Variants in UACA observed in about 807,000 individuals in gnomAD.
UACA encodes the protein uveal autoantigen with coiled-coil domains and ankyrin repeats.
A neutral mutation model predicts 160.5 loss-of-function variants in UACA; 112 were observed. The ratio of observed to expected loss-of-function variants is 0.70; its 90% confidence interval spans 0.60 to 0.82. UACA has a LOEUF of 0.82. Among genes scored for constraint, UACA ranks in the 40% least tolerant of loss-of-function variants. UACA has a pLI of 0.00. For missense variants in UACA, 1,574 were observed against 1,614.6 expected, an observed-to-expected ratio of 0.97 and a Z score of 0.43; for synonymous variants, 557 against 568.4, an observed-to-expected ratio of 0.98 and a Z score of 0.29.
chr15:70,690,475 T>C lies in UACA; in HGVS notation c.403A>G (p.Arg135Gly), dbSNP rs746300849. 1.9e-6 allele frequency: 3 copies of C among 1,613,114 alleles called. No homozygotes were observed. The highest frequency in any genetic ancestry group is 1.1e-5 in the South Asian group (1 of 90,910). The change falls in exon 5 of 19, where the codon AGA (arginine) becomes GGA (glycine). Residue 135 changes from arginine to glycine, a missense_variant. Transcript: ENST00000322954. ...CPTEHADLQG[R>G]TALHDAAMAD... The stretch of plus-strand genomic sequence containing the variant: ...TCACCGGCATCGTGAAGTGCAGTTC[T>C]TCCCTGCAGGTCTGCATGCTCAGTG...
chr15:70,711,396 T>C (rs1816254122), intron 1 of UACA, among the ~76,000 whole-genome samples: 1 of 151,562 alleles, frequency 6.6e-6, no homozygotes, highest in Non-Finnish European at 1.5e-5. Context: ...GCACGGTGGC[T>C]CACACCTGTA....
intron 1 of UACA, among the ~76,000 whole-genome samples, chr15:70,726,229 A>C (rs1260051772): frequency 6.6e-6 from 1 of 152,118 alleles, no homozygotes; most frequent in South Asian, 2.1e-4. Context: ...GCACCCCCAA[A>C]TCCAATCAAG....
At chr15:70,743,310 A>G (rs1363777503) in intron 1 of UACA, among the ~76,000 whole-genome samples, 2 of 152,244 alleles carry the variant, frequency 1.3e-5, no homozygotes, top group African/African-American at 2.4e-5. Flanking sequence ...CTAAAGTCAA[A>G]TGATTAGTAA....
In UACA at chr15:70,655,684, C is replaced by T. The variant is rs1209266494; in HGVS notation, c.*1372G>A. 4 of 152,164 alleles carry T rather than the reference C, an allele frequency of 2.6e-5. No individual in the cohort carries two copies. Among genetic ancestry groups the T allele is most frequent in the African/African-American group, 9.7e-5 (4 of 41,428 alleles). 9.4% of individuals were successfully genotyped at this position (152,164 alleles called of 1,614,324 possible). On this transcript the variant is annotated 3_prime_UTR_variant, in exon 19 of 19. Transcript: ENST00000322954. ...GAATTAAAAACAAATCCAATTCTGA[C>T]TTTCAATGTTGTTTCAACACCGAAA...
intron 1 of UACA, among the ~76,000 whole-genome samples, chr15:70,705,154 A>C (rs746976786): frequency 6.6e-6 from 1 of 152,210 alleles, no homozygotes; most frequent in Admixed American, 6.5e-5. Context: ...CAAGGACTCA[A>C]ATATAGAAGT....
At chr15:70,679,151 C>T (rs935972813) in intron 10 of UACA, among the ~76,000 whole-genome samples, 3 of 151,952 alleles carry the variant, frequency 2.0e-5, no homozygotes, top group South Asian at 2.1e-4. Flanking sequence ...GCTTGTAATC[C>T]CAACACTTTG....
intron 1 of UACA, among the ~76,000 whole-genome samples, chr15:70,717,896 C>T (rs1898867149): frequency 6.6e-6 from 1 of 151,946 alleles, no homozygotes; most frequent in African/African-American, 2.4e-5. Flanking sequence ...AAACAGGATT[C>T]CCAGAGAAGA....
In UACA at chr15:70,668,415, G is replaced by T; in HGVS notation, c.2269C>A (p.His757Asn). ...TTAAGATCATCAATAATTGCATCAT[G>T]TGACTTTTTCATGTCTTCACTTACT... ...LKVSEDMKKSHDAIIDDLNRK... is the reference protein window; with the variant it reads ...LKVSEDMKKSNDAIIDDLNRK... The change falls in exon 16 of 19, where the codon CAT becomes AAT. Residue 757 changes from histidine (H) to asparagine (N), a missense_variant. Physicochemically the swap from His to Asn is moderately conservative, Grantham distance 68. Transcript: ENST00000322954. 6.2e-7 allele frequency: 1 copy of T among 1,611,424 alleles called. No homozygotes were observed. Among genetic ancestry groups the T allele is most frequent in the East Asian group, 2.2e-5 (1 of 44,808 alleles).
intron 1 of UACA, chr15:70,753,974 T>C: frequency 2.7e-6 from 1 of 365,368 alleles, no homozygotes; most frequent in Non-Finnish European, 5.4e-6. Context: ...CCTGGCTAAT[T>C]TTTGTATTTT....
chr15:70,668,017 T>C lies in UACA; in HGVS notation c.2667A>G (p.Lys889=), dbSNP rs771493657. 4 of 1,605,028 alleles carry C rather than the reference T, an allele frequency of 2.5e-6. No homozygotes were observed. Among genetic ancestry groups the C allele is most frequent in the Non-Finnish European group, 3.4e-6 (4 of 1,176,926 alleles). ...TNRELLDVKK[K]FEDINQEFVK... The stretch of plus-strand genomic sequence containing the variant: ...CAAATTCCTGATTTATATCTTCAAA[T>C]TTTTTCTTCACATCTAATAATTCTC... The change falls in exon 16 of 19, where the codon AAA becomes AAG. Residue 889 remains lysine, a synonymous_variant. Coordinates refer to ENST00000322954, the MANE Select transcript of UACA (RefSeq NM_018003.4).
intron 1 of UACA, chr15:70,754,129 C>T: frequency 2.2e-6 from 1 of 455,920 alleles, no homozygotes; most frequent in South Asian, 1.5e-5. Flanking sequence ...CTACAATGAA[C>T]ATGTATGACT....
chr15:70,684,932 GTAAA>G (rs1897656942), intron 7 of UACA, among the ~76,000 whole-genome samples: 1 of 151,830 alleles, frequency 6.6e-6, no homozygotes, highest in Non-Finnish European at 1.5e-5. Context: ...TGTCCTACAC[GTAAA>G]TAATCACCAC....
At position 70,668,988 on chromosome 15, in the gene UACA, G is replaced by A; in HGVS notation, c.1696C>T (p.Gln566Ter). ...ACTATCATCTCATTTTGTTTGATTT[G>A]GTTTCTTAATTTCCCCACTTCTGCT... ...ASAEVGKLRN[Q>*]IKQNEMIVEE... is the part of the protein sequence containing the mutation. Residue 566 changes from glutamine to a stop codon, truncating the protein, a stop_gained, in exon 16 of 19, where the codon CAA becomes TAA. Transcript: ENST00000322954. LOFTEE classifies it high-confidence loss of function. 5 of 1,613,586 alleles carry A rather than the reference G, an allele frequency of 3.1e-6. No individual in the cohort carries two copies. The highest frequency in any genetic ancestry group is 4.2e-6 in the Non-Finnish European group (5 of 1,179,974).
At chr15:70,663,758 C>T (rs1861503586) in intron 17 of UACA, among the ~76,000 whole-genome samples, 1 of 151,380 alleles carries the variant, frequency 6.6e-6, no homozygotes, top group Non-Finnish European at 1.5e-5. Context: ...TCTCAGCAAA[C>T]TATCGCAACG....
Position 70,677,126 on chromosome 15 carries a change from A to G in UACA, c.1014T>C (p.Ala338=), listed in dbSNP as rs776166541. The G allele has an allele frequency of 1.2e-6, 2 of 1,603,586 alleles. No homozygotes were observed. Among genetic ancestry groups the G allele is most frequent in the Non-Finnish European group, 1.7e-6 (2 of 1,175,126 alleles). The part of the protein sequence containing the change: ...QLQLNEEVMV[A]DDLESEREKL... ...ACCCTACCTCGCTTTCCAGATCATCAGCAACCATAACTTCCTAAATTTAAA... is the reference window on the plus strand; with the variant it reads ...ACCCTACCTCGCTTTCCAGATCATCGGCAACCATAACTTCCTAAATTTAAA... The change falls in exon 12 of 19, where the codon GCT becomes GCC. Residue 338 remains alanine (A), a synonymous_variant. Transcript: ENST00000322954.
At chr15:70,743,879 G>C (rs1392893619) in intron 1 of UACA, among the ~76,000 whole-genome samples, 1 of 152,098 alleles carries the variant, frequency 6.6e-6, no homozygotes, top group Non-Finnish European at 1.5e-5. Flanking sequence ...TAAGTATAAA[G>C]ATTAGAAAAG....
At chr15:70,709,887 T>C (rs773927229) in intron 1 of UACA, among the ~76,000 whole-genome samples, 5 of 152,100 alleles carry the variant, frequency 3.3e-5, no homozygotes, top group Non-Finnish European at 1.5e-5. Flanking sequence ...AGCAAAACTT[T>C]GATAAAAAAC....
intron 1 of UACA, among the ~76,000 whole-genome samples, chr15:70,718,479 T>G (rs891608199): frequency 2.6e-5 from 4 of 151,942 alleles, no homozygotes; most frequent in Non-Finnish European, 5.9e-5. Flanking sequence ...ACCAAAAGCT[T>G]TAAGCAGCAA....
the UACA span, among the ~76,000 whole-genome samples, chr15:70,772,675 G>A: frequency 3.9e-5 from 6 of 152,230 alleles, no homozygotes; most frequent in African/African-American, 1.4e-4. Flanking sequence ...TAGCAAGAGT[G>A]AAATTCATTA....
Sources: gnomAD v4.1 joint callset for allele counts (sites outside exome capture counted in the v4.1 genomes callset) on GRCh38, gnomAD v4.1.1 for gene constraint, MANE v1.5 for transcripts, NCBI Gene and HGNC (gene_info 2026-07-23, HGNC 2026-07-21) for gene names.